The following USP43 variants were observed in gnomAD, a reference collection of about 807,000 sequenced individuals.
USP43 encodes the protein ubiquitin specific peptidase 43.
Under a neutral mutation model 90.7 loss-of-function variants are expected in USP43, and 33 were observed. The observed-to-expected ratio is 0.36, with a 90% confidence interval of 0.28 to 0.49. The LOEUF is 0.49. USP43 is among the 20% of genes least tolerant of loss of function. USP43 has a pLI of 0.98. For missense variants in USP43, 1,274 were observed against 1,476.4 expected (o/e 0.86, Z 2.25); for synonymous variants, 598 against 615.8 (o/e 0.97, Z 0.43).
At chr17:9,726,668 C>T (rs758090933) in intron 14 of USP43, among the ~76,000 whole-genome samples, 4 of 152,188 alleles carry the variant, frequency 2.6e-5, no homozygotes, top group Non-Finnish European at 2.9e-5. Flanking sequence ...CTTAAACCAT[C>T]GCCTTGGGGA....
In USP43 at chr17:9,728,215, C is replaced by T. The variant is rs766955913; in HGVS notation, c.2597C>T (p.Pro866Leu). ...GGTGAGGATGAGAAGTCAGCATCGCCGAGGTCCAACGTCGCCCTTCCTGCT... is the reference window on the plus strand; with the variant it reads ...GGTGAGGATGAGAAGTCAGCATCGCTGAGGTCCAACGTCGCCCTTCCTGCT... ...TAGEDEKSAS[P>L]RSNVALPANS... The change falls in exon 15 of 15, where the codon CCG (proline) becomes CTG (leucine). Residue 866 changes from proline (P) to leucine (L), a missense_variant. By Grantham distance (98) the Pro-to-Leu change is moderately conservative. Coordinates refer to ENST00000285199, the MANE Select transcript of USP43 (RefSeq NM_153210.5). The surrounding 1 kb of genome is among the most constrained non-coding windows in gnomAD (Gnocchi z 6.2). The T allele has an allele frequency of 9.9e-6, 16 of 1,613,716 alleles. No homozygotes were observed. The highest frequency in any genetic ancestry group is 2.2e-5 in the East Asian group (1 of 44,868).
intron 14 of USP43, among the ~76,000 whole-genome samples, chr17:9,716,328 C>T (rs930092568): frequency 3.5e-4 from 53 of 151,844 alleles, no homozygotes; most frequent in African/African-American, 1.3e-3. Context: ...GTATATTAAT[C>T]CTTCAATACT....
intron 14 of USP43, among the ~76,000 whole-genome samples, chr17:9,726,775 G>A (rs564219535): frequency 1.3e-5 from 2 of 152,274 alleles, no homozygotes; most frequent in East Asian, 1.9e-4. Context: ...GTGGCCACCC[G>A]TGGGGCAGAC....
intron 8 of USP43, among the ~76,000 whole-genome samples, chr17:9,691,033 T>C (rs117525744): frequency 0.048 from 7,251 of 152,290 alleles, 232 homozygotes; most frequent in Non-Finnish European, 0.073. Context: ...TTTATCTTTT[T>C]ACATCTGGCT....
At position 9,692,357 on chromosome 17, in the gene USP43, G is replaced by A. The variant is rs147405644; in HGVS notation, c.1354-770G>A. Among the ~76,000 whole-genome samples the A allele has an allele frequency of 4.4e-4, 67 of 152,150 alleles. No homozygotes were observed. The East Asian group carries it at 8.5e-3, about 19-fold the overall frequency. ...CTGGGCGACAGAGTGAGACTTTGTC[G>A]TCTCAAAAAAAAATTTAATTATAGC... On this transcript the variant is annotated intron_variant, in intron 8 of 14. Coordinates refer to ENST00000285199, the MANE Select transcript of USP43 (RefSeq NM_153210.5).
intron 6 of USP43, among the ~76,000 whole-genome samples, chr17:9,681,503 T>TATATATA (rs1914285610): frequency 9.5e-6 from 1 of 105,636 alleles, no homozygotes; most frequent in Non-Finnish European, 2.0e-5. Context: ...TATATATATA[T>TATATATA]ATATATTTGA....
At chr17:9,668,935 A>G (rs1378348995) in intron 3 of USP43, among the ~76,000 whole-genome samples, 1 of 151,954 alleles carries the variant, frequency 6.6e-6, no homozygotes, top group Non-Finnish European at 1.5e-5. Context: ...TCCCGGGTTC[A>G]AGTGATTTTC....
chr17:9,650,808 A>G (rs1012490884), intron 1 of USP43, among the ~76,000 whole-genome samples: 4 of 152,174 alleles, frequency 2.6e-5, no homozygotes, highest in African/African-American at 9.7e-5. Context: ...ATCCCTTATT[A>G]TTAATTTATT....
chr17:9,658,311 GT>G (rs1269363043), intron 2 of USP43, among the ~76,000 whole-genome samples: 1 of 151,818 alleles, frequency 6.6e-6, no homozygotes, highest in African/African-American at 2.4e-5. Context: ...TTTCCTTTAT[GT>G]TTTCCAACTG....
chr17:9,705,246 AC>A (rs1220377409), intron 12 of USP43, among the ~76,000 whole-genome samples: 1 of 141,618 alleles, frequency 7.1e-6, no homozygotes, highest in Non-Finnish European at 1.5e-5. Context: ...TTTCCTTCCC[AC>A]CCCCTAATTT....
intron 1 of USP43, among the ~76,000 whole-genome samples, chr17:9,652,212 C>CAAAAAAAAAA (rs769295315): frequency 2.1e-4 from 9 of 42,576 alleles, no homozygotes; most frequent in South Asian, 7.4e-4. Context: ...GCCCTTAGCG[C>CAAAAAAAAAA]AAAAAAAAAA....
chr17:9,714,505 C>T (rs1215188695), intron 14 of USP43, among the ~76,000 whole-genome samples: 1 of 144,120 alleles, frequency 6.9e-6, no homozygotes, highest in Non-Finnish European at 1.5e-5. Flanking sequence ...CATGGTGAAA[C>T]CCCGTCTCTA....
Position 9,700,241 on chromosome 17 carries a change from C to T in USP43, c.1527C>T (p.Val509=). The T allele has an allele frequency of 6.3e-7, 1 of 1,597,872 alleles. No homozygotes were observed. The highest frequency in any genetic ancestry group is 8.5e-7 in the Non-Finnish European group (1 of 1,172,530). ...VKLAVEWDSS[V]KERLFGSLQE... ...TGGCGGTGGAGTGGGATAGCTCTGT[C>T]AAGGAGCGGTGAGTTCAAGGGAATT... Residue 509 remains valine (V), a synonymous_variant, in exon 10 of 15, where the codon GTC becomes GTT. Coordinates refer to ENST00000285199, the MANE Select transcript of USP43 (RefSeq NM_153210.5).
At chr17:9,708,083 TA>T (rs34047452) in intron 12 of USP43, among the ~76,000 whole-genome samples, 32,975 of 152,156 alleles carry the variant, frequency 0.22, 4,455 homozygotes, top group African/African-American at 0.37. Flanking sequence ...TGAATTGCAT[TA>T]TGAGCAGAGC....
At chr17:9,654,554 G>T (rs1424236744) in intron 1 of USP43, among the ~76,000 whole-genome samples, 2 of 151,668 alleles carry the variant, frequency 1.3e-5, no homozygotes, top group Non-Finnish European at 2.9e-5. Flanking sequence ...GGAGGCTGAG[G>T]CAGGAGAATC....
At chr17:9,683,021 C>T in intron 7 of USP43, 63 bp downstream of exon 7, 5 of 1,566,504 alleles carry the variant, frequency 3.2e-6, no homozygotes, top group Non-Finnish European at 4.3e-6. Flanking sequence ...TACTTGGGAG[C>T]CTGTCTAGAG....
intron 1 of USP43, among the ~76,000 whole-genome samples, chr17:9,650,068 T>G (rs1218536323): frequency 6.6e-6 from 1 of 152,212 alleles, no homozygotes; most frequent in Admixed American, 6.5e-5. Flanking sequence ...TTCACCACTC[T>G]TACGTTTTGT....
At chr17:9,714,473 A>G (rs981262598) in intron 14 of USP43, among the ~76,000 whole-genome samples, 2 of 151,978 alleles carry the variant, frequency 1.3e-5, no homozygotes, top group Admixed American at 6.6e-5. Flanking sequence ...TGGGGTCAGG[A>G]GTTCGAGACC....
At chr17:9,704,721 G>A (rs998279499) in intron 12 of USP43, among the ~76,000 whole-genome samples, 1 of 152,080 alleles carries the variant, frequency 6.6e-6, no homozygotes, top group Non-Finnish European at 1.5e-5. Flanking sequence ...CTCTGGGGCT[G>A]TAGCTGGTGG....
Sources: allele counts gnomAD v4.1 joint callset (sites outside exome capture counted in the v4.1 genomes callset), GRCh38; gene constraint gnomAD v4.1.1; non-coding constraint Gnocchi (gnomAD v3.1); transcripts MANE v1.5; gene names NCBI Gene and HGNC (gene_info 2026-07-23, HGNC 2026-07-21).